ADGRG5: variants seen among roughly 807,000 people sequenced by gnomAD.
ADGRG5 encodes the protein G protein-coupled receptor 114.
In ADGRG5, 37 loss-of-function variants were observed where a neutral mutation model predicts 53.2. The observed-to-expected ratio is 0.70, with a 90% CI of 0.53 to 0.91. ADGRG5 has a LOEUF of 0.91. Among genes scored for constraint, ADGRG5 ranks in the 40% least tolerant of loss-of-function variants. The probability of loss-of-function intolerance (pLI) is 0.00; values close to 1 mark genes in which losing one functional copy is unlikely to be tolerated. For missense variants in ADGRG5, 614 were observed against 675.8 expected (o/e 0.91, Z 1.01); for synonymous variants, 277 against 290.4 (o/e 0.95, Z 0.47).
At chr16:57,546,229 T>A (rs1229431939) in intron 1 of ADGRG5, among the ~76,000 whole-genome samples, 2 of 152,182 alleles carry the variant, frequency 1.3e-5, no homozygotes, top group Non-Finnish European at 2.9e-5. Context: ...GCTCACGTGA[T>A]CCTCTCACCT....
At chr16:57,541,761 C>G (rs2032494487), upstream of ADGRG5, among the ~76,000 whole-genome samples, 1 of 152,184 alleles carries the variant, frequency 6.6e-6, no homozygotes, top group African/African-American at 2.4e-5. Context: ...CACCGTCTCC[C>G]CATTACCAAC....
chr16:57,570,032 C>G (rs2033304245), intron 9 of ADGRG5, among the ~76,000 whole-genome samples: 1 of 151,956 alleles, frequency 6.6e-6, no homozygotes, highest in African/African-American at 2.4e-5. Flanking sequence ...ACCTCCATCT[C>G]CACCATCATC....
chr16:57,571,802 G>A lies in ADGRG5; in HGVS notation c.1208+1267G>A, dbSNP rs146630308. 4.0e-3 allele frequency among the ~76,000 whole-genome samples: 601 copies of A among 151,808 alleles called. 4 individuals are homozygous for A. The highest frequency in any genetic ancestry group is 0.014 in the African/African-American group (585 of 41,372). The stretch of plus-strand genomic sequence containing the variant: ...TGGGATTACAGGCGCGTGCCACCAC[G>A]CTCAGTTAATTTTTGTATTTTTAGT... On this transcript the variant is annotated intron_variant, in intron 10 of 11. Coordinates refer to ENST00000349457, the MANE Select transcript of ADGRG5 (RefSeq NM_001304376.3).
intron 1 of ADGRG5, among the ~76,000 whole-genome samples, chr16:57,547,464 G>T (rs1328718633): frequency 6.6e-6 from 1 of 151,752 alleles, no homozygotes; most frequent in East Asian, 1.9e-4. Flanking sequence ...TGTTTTTTTT[G>T]AGACGGAGTC....
At chr16:57,547,869 C>T (rs1410470356) in intron 1 of ADGRG5, among the ~76,000 whole-genome samples, 3 of 152,202 alleles carry the variant, frequency 2.0e-5, no homozygotes, top group Non-Finnish European at 4.4e-5. Flanking sequence ...CTTGCCTCAG[C>T]CTCCTGAGTA....
intron 1 of ADGRG5, among the ~76,000 whole-genome samples, chr16:57,547,492 T>C (rs1236226423): frequency 1.3e-5 from 2 of 152,280 alleles, no homozygotes; most frequent in African/African-American, 4.8e-5. Context: ...GTGGCCAGGC[T>C]GGAGTGCAGT....
chr16:57,576,296 C>G lies in ADGRG5; in HGVS notation c.*758C>G, dbSNP rs1426596263. On this transcript the variant is annotated 3_prime_UTR_variant, in exon 12 of 12. Transcript: ENST00000349457. ...TCCTCCTGCGGTGCTCCCAAGACTT[C>G]CATAGACCATCTGGACCAGTAGCCC... 1 of 152,224 alleles carries G rather than the reference C, an allele frequency of 6.6e-6. No individual in the cohort carries two copies. The highest frequency in any genetic ancestry group is 1.5e-5 in the Non-Finnish European group (1 of 68,056). The allele number at this position is 152,224 out of a possible 1,614,324, so 9.4% of individuals were successfully genotyped here.
chr16:57,545,702 G>A (rs1272445116), intron 1 of ADGRG5, among the ~76,000 whole-genome samples: 3 of 152,202 alleles, frequency 2.0e-5, no homozygotes, highest in African/African-American at 7.2e-5. Flanking sequence ...AATGTTGTAG[G>A]AATAAGTTAC....
intron 3 of ADGRG5, among the ~76,000 whole-genome samples, chr16:57,562,806 C>T (rs1219520007): frequency 2.0e-5 from 3 of 152,116 alleles, no homozygotes; most frequent in African/African-American, 2.4e-5. Flanking sequence ...GAAGACTGGT[C>T]AGGGCTAAGA....
At chr16:57,557,783 T>C (rs1450485325) in intron 1 of ADGRG5, among the ~76,000 whole-genome samples, 1 of 152,270 alleles carries the variant, frequency 6.6e-6, no homozygotes, top group African/African-American at 2.4e-5. Flanking sequence ...TCTTCATCAC[T>C]GATATCGAGT....
chr16:57,531,633 G>A, the ADGRG5 span, among the ~76,000 whole-genome samples: 1 of 151,966 alleles, frequency 6.6e-6, no homozygotes, highest in Admixed American at 6.6e-5. Context: ...CAATTCTAAG[G>A]TTACTCCCTC....
chr16:57,571,254 A>C (rs2033347552), intron 10 of ADGRG5, among the ~76,000 whole-genome samples: 1 of 152,146 alleles, frequency 6.6e-6, no homozygotes, highest in Non-Finnish European at 1.5e-5. Context: ...CTTGGGTATC[A>C]GCTGGCTTCG....
chr16:57,561,305 C>G (rs1773394829), intron 1 of ADGRG5, among the ~76,000 whole-genome samples: 1 of 152,342 alleles, frequency 6.6e-6, no homozygotes, highest in East Asian at 1.9e-4. Flanking sequence ...CCCATCTCTG[C>G]AGTTGTTTTC....
intron 1 of ADGRG5, among the ~76,000 whole-genome samples, chr16:57,545,663 G>A (rs935775888): frequency 1.3e-5 from 2 of 152,218 alleles, no homozygotes; most frequent in African/African-American, 4.8e-5. Context: ...AATAAGAGCA[G>A]AGCTTCCACT....
At chr16:57,571,651 T>C (rs929789799) in intron 10 of ADGRG5, among the ~76,000 whole-genome samples, 5 of 137,080 alleles carry the variant, frequency 3.6e-5, no homozygotes, top group Admixed American at 7.7e-5. Context: ...TATTTTCTTT[T>C]TTTTCTTTTT....
chr16:57,529,218 G>A, the ADGRG5 span: 89 of 1,152,470 alleles, frequency 7.7e-5, no homozygotes, highest in South Asian at 3.0e-3. The surrounding 1 kb of genome is among the most constrained non-coding windows in gnomAD (Gnocchi z 4.1). Flanking sequence ...TCGCGGTCGG[G>A]CTCAGGGGCG....
rs775022758 is a variant in ADGRG5, at chr16:57,568,104, A to G, written c.1070A>G (p.Lys357Arg). Reference protein sequence around the residue: ...YNIYIRRYVFKLGVLGWGAPA... With the variant: ...YNIYIRRYVFRLGVLGWGAPA... ...ATCTACATCCGCAGATATGTGTTCA[A>G]GCTTGGTGTGCTAGGCTGGGGTAAG... Residue 357 changes from lysine to arginine, a missense_variant, in exon 9 of 12, where the codon AAG (lysine) becomes AGG (arginine). Coordinates refer to ENST00000349457, the MANE Select transcript of ADGRG5 (RefSeq NM_001304376.3). The G allele has an allele frequency of 1.4e-5, 22 of 1,613,930 alleles. No individual in the cohort carries two copies. The South Asian group carries it at 2.2e-4, about 16-fold the overall frequency.
At chr16:57,536,586 G>A in the ADGRG5 span, 1 of 152,160 alleles carries the variant, frequency 6.6e-6, no homozygotes, top group Non-Finnish European at 1.5e-5. Flanking sequence ...GCCGCCGGAG[G>A]GGCCGAGGGA....
chr16:57,571,656 C>CTT (rs61698586), intron 10 of ADGRG5, among the ~76,000 whole-genome samples: 38,426 of 133,824 alleles, frequency 0.29, 6,294 homozygotes, highest in East Asian at 0.69. Flanking sequence ...TCTTTTTTTT[C>CTT]TTTTTTTTTT....
Sources: gnomAD v4.1 joint callset for allele counts (sites outside exome capture counted in the v4.1 genomes callset) on GRCh38, gnomAD v4.1.1 for gene constraint, Gnocchi (gnomAD v3.1) non-coding constraint, MANE v1.5 for transcripts, NCBI Gene and HGNC (gene_info 2026-07-23, HGNC 2026-07-21) for gene names.